Variants in PRKG1 observed in about 807,000 individuals in gnomAD.
PRKG1 encodes protein kinase cGMP-dependent 1, also known as cGMP-dependent protein kinase 1.
Under a neutral mutation model 88.1 loss-of-function variants are expected in PRKG1, and 35 were observed. That is an observed-to-expected ratio of 0.40 (90% confidence interval 0.30 to 0.53). The LOEUF (loss-of-function observed/expected upper bound fraction) is 0.53. PRKG1 is among the 20% of genes least tolerant of loss of function. PRKG1 has a pLI of 0.59. For missense variants in PRKG1, 540 were observed against 839.8 expected, an observed-to-expected ratio of 0.64 and a Z score of 4.41; for synonymous variants, 303 against 292.5, an observed-to-expected ratio of 1.04 and a Z score of -0.37.
At chr10:52,143,807 C>G (rs1278831308) in intron 8 of PRKG1, among the ~76,000 whole-genome samples, 1 of 152,042 alleles carries the variant, frequency 6.6e-6, no homozygotes, top group East Asian at 1.9e-4. Context: ...TTTTACAGAG[C>G]AGTTAAAAGA....
intron 3 of PRKG1, among the ~76,000 whole-genome samples, chr10:51,755,265 G>C (rs934217603): frequency 3.9e-5 from 6 of 152,086 alleles, no homozygotes; most frequent in Non-Finnish European, 5.9e-5. Context: ...TGCTGTCAGG[G>C]GCAAATCAAT....
intron 1 of PRKG1, among the ~76,000 whole-genome samples, chr10:51,021,456 T>TATTCAGTG (rs1843136014): frequency 1.3e-5 from 2 of 152,212 alleles, no homozygotes; most frequent in Non-Finnish European, 2.9e-5. Flanking sequence ...CCTATTTGAT[T>TATTCAGTG]ATTCAGTGTG....
At chr10:51,723,264 A>G (rs1413510773) in intron 3 of PRKG1, among the ~76,000 whole-genome samples, 1 of 152,214 alleles carries the variant, frequency 6.6e-6, no homozygotes, top group African/African-American at 2.4e-5. Flanking sequence ...AAAATGTGGC[A>G]CATATACACC....
At chr10:51,267,799 G>A (rs566661590) in intron 2 of PRKG1, among the ~76,000 whole-genome samples, 3 of 152,072 alleles carry the variant, frequency 2.0e-5, no homozygotes, top group African/African-American at 7.2e-5. Context: ...TAAATGATTG[G>A]GACCTAATTA....
At chr10:52,068,202 CAAAAAA>C (rs71032621) in intron 7 of PRKG1, among the ~76,000 whole-genome samples, 8 of 38,846 alleles carry the variant, frequency 2.1e-4, no homozygotes, top group African/African-American at 6.6e-4. Flanking sequence ...AACTCCGTCT[CAAAAAA>C]AAAAAAAAAA....
At chr10:51,365,073 C>A (rs1842561788) in intron 2 of PRKG1, among the ~76,000 whole-genome samples, 1 of 151,882 alleles carries the variant, frequency 6.6e-6, no homozygotes, top group African/African-American at 2.4e-5. Flanking sequence ...TCTCTACAGA[C>A]CATTACTAGC....
chr10:51,540,843 T>C (rs982647661), intron 3 of PRKG1, among the ~76,000 whole-genome samples: 1 of 152,114 alleles, frequency 6.6e-6, no homozygotes, highest in East Asian at 1.9e-4. Context: ...CACAGCCTCC[T>C]GAGTAGCTGG....
intron 3 of PRKG1, among the ~76,000 whole-genome samples, chr10:51,535,809 C>T (rs1349397649): frequency 4.6e-5 from 7 of 151,100 alleles, no homozygotes; most frequent in African/African-American, 7.3e-5. Flanking sequence ...ACTGCAACTC[C>T]GCCTCCCGGT....
In PRKG1 at chr10:52,287,711, A is replaced by T. The variant is rs1037533213; in HGVS notation, c.1710-1015A>T. Among the ~76,000 whole-genome samples, 353 of 152,028 alleles carry T rather than the reference A, an allele frequency of 2.3e-3. 3 individuals are homozygous for T. Among genetic ancestry groups the T allele is most frequent in the African/African-American group, 7.5e-3 (313 of 41,506 alleles). ...GGATGGATCAGTTAAAAAAAAAAAA[A>T]AAAAAAAAAATCAACAGATCTGGCT... is the stretch of plus-strand genomic sequence containing the variant. On this transcript the variant is annotated intron_variant, in intron 14 of 17. Coordinates refer to ENST00000373980, the MANE Select transcript of PRKG1 (RefSeq NM_006258.4).
At chr10:51,878,460 G>A (rs957145399) in intron 4 of PRKG1, among the ~76,000 whole-genome samples, 2 of 151,970 alleles carry the variant, frequency 1.3e-5, no homozygotes, top group African/African-American at 2.4e-5. Context: ...AATATTCAGA[G>A]CAAATTAGCT....
chr10:51,580,356 C>T (rs889734493), intron 3 of PRKG1, among the ~76,000 whole-genome samples: 1 of 152,088 alleles, frequency 6.6e-6, no homozygotes, highest in Non-Finnish European at 1.5e-5. Context: ...AATTATTATT[C>T]TTGCATGGGA....
At chr10:51,444,815 C>T (rs888406348) in intron 2 of PRKG1, among the ~76,000 whole-genome samples, 5 of 151,794 alleles carry the variant, frequency 3.3e-5, no homozygotes, top group African/African-American at 1.2e-4. Context: ...ACAAAGTTTG[C>T]CTTTTTCCAC....
chr10:52,002,623 A>G (rs1844628030), intron 5 of PRKG1, among the ~76,000 whole-genome samples: 1 of 152,118 alleles, frequency 6.6e-6, no homozygotes, highest in Admixed American at 6.6e-5. Context: ...TTTTTATATT[A>G]CTAATTATTG....
chr10:51,319,073 T>C (rs1200788483), intron 2 of PRKG1, among the ~76,000 whole-genome samples: 1 of 152,232 alleles, frequency 6.6e-6, no homozygotes, highest in South Asian at 2.1e-4. Context: ...CAGTCTCAAA[T>C]TGGTTTCTTA....
rs962018960 is a variant in PRKG1 at position 52,161,758 on chromosome 10, A to G, written c.1002-131A>G. On this transcript the variant is annotated intron_variant, in intron 8 of 17. Transcript: ENST00000373980. ...AAAATGTCTGACATGCTTCTTATTA[A>G]TGTACTTAGATTAAGTGTTTGAATT... 16 of 722,608 alleles carry G rather than the reference A, an allele frequency of 2.2e-5. No individual in the cohort carries two copies. In the African/African-American group the frequency reaches 2.5e-4, roughly 11 times the overall value. 44.8% of individuals were successfully genotyped at this position (722,608 alleles called of 1,614,324 possible). A position where few individuals can be genotyped will look rare whatever the true frequency, so the allele number is the denominator to read the frequency against.
intron 9 of PRKG1, among the ~76,000 whole-genome samples, chr10:52,249,529 A>G (rs1226260870): frequency 1.3e-5 from 2 of 152,128 alleles, no homozygotes; most frequent in Admixed American, 6.6e-5. Context: ...GAATCCCTCC[A>G]CTAATCTATG....
chr10:52,201,539 T>C (rs1350437991), intron 9 of PRKG1, among the ~76,000 whole-genome samples: 1 of 152,186 alleles, frequency 6.6e-6, no homozygotes, highest in Non-Finnish European at 1.5e-5. Context: ...ACTGGGCTTT[T>C]TTTGGCTCCA....
chr10:51,466,206 G>A (rs955948597), intron 2 of PRKG1, among the ~76,000 whole-genome samples: 3 of 152,074 alleles, frequency 2.0e-5, no homozygotes, highest in African/African-American at 2.4e-5. Flanking sequence ...AATGCCATGG[G>A]AACTATCTGA....
At chr10:51,207,763 C>T (rs1838101153) in intron 2 of PRKG1, among the ~76,000 whole-genome samples, 1 of 152,154 alleles carries the variant, frequency 6.6e-6, no homozygotes, top group Admixed American at 6.6e-5. Flanking sequence ...TTCTGGAACT[C>T]TTAAAGAAAA....
Sources: gnomAD v4.1 joint callset for allele counts (sites outside exome capture counted in the v4.1 genomes callset) on GRCh38, gnomAD v4.1.1 for gene constraint, MANE v1.5 for transcripts, NCBI Gene and HGNC (gene_info 2026-07-23, HGNC 2026-07-21) for gene names.